The following ALDH5A1 variants were observed in gnomAD, a reference collection of about 807,000 sequenced individuals.
The protein encoded by ALDH5A1 is aldehyde dehydrogenase 5 family member A1.
A neutral mutation model predicts 54.7 loss-of-function variants in ALDH5A1; 33 were observed. The ratio of observed to expected loss-of-function variants is 0.60; its 90% confidence interval spans 0.46 to 0.81. The LOEUF (loss-of-function observed/expected upper bound fraction) is 0.81. ALDH5A1 is among the 30% of genes least tolerant of loss of function. The pLI is 0.00. For synonymous variants in ALDH5A1, 294 were observed against 292.7 expected (o/e 1.00, Z -0.05); for missense variants, 657 against 711.0 (o/e 0.92, Z 0.86).
chr6:24,503,351 G>T lies in ALDH5A1; in HGVS notation c.527G>T (p.Gly176Val). The change falls in exon 3 of 10, where the codon GGA (glycine) becomes GTA (valine). Residue 176 changes from glycine (G) to valine (V), a missense_variant. Around this residue, in one of 2 missense-constraint regions of ALDH5A1, gnomAD observed 425 missense variants for 516.4 expected, o/e 0.82. Transcript: ENST00000357578. ...WFSEEARRVY[G>V]DIIHTPAKDR... Reference sequence around the variant, plus strand: ...TCTGAGGAAGCCCGCCGTGTTTACGGAGACATTATCCACACCCCGGCAAAG... The same window carrying T: ...TCTGAGGAAGCCCGCCGTGTTTACGTAGACATTATCCACACCCCGGCAAAG... 6.2e-7 allele frequency: 1 copy of T among 1,614,066 alleles called. No homozygotes were observed.
At chr6:24,515,046 C>G in intron 4 of ALDH5A1, 121 bp from the exon 5 acceptor site, 1 of 1,031,782 alleles carries the variant, frequency 9.7e-7, no homozygotes. Context: ...TCCCCAGTGT[C>G]AGCTTAATTT....
chr6:24,525,072 G>A (rs1759774817), intron 7 of ALDH5A1, among the ~76,000 whole-genome samples: 1 of 152,122 alleles, frequency 6.6e-6, no homozygotes, highest in Admixed American at 6.6e-5. Context: ...GAAATTTGGT[G>A]GAAACCACCT....
chr6:24,501,949 A>G (rs9348638), intron 1 of ALDH5A1, among the ~76,000 whole-genome samples: 29,955 of 150,060 alleles, frequency 0.2, 3,332 homozygotes, highest in Non-Finnish European at 0.25. Flanking sequence ...GTATATATAT[A>G]TGTGTATGTG....
intron 4 of ALDH5A1, among the ~76,000 whole-genome samples, chr6:24,507,273 C>G (rs541735698): frequency 3.3e-5 from 5 of 151,974 alleles, no homozygotes; most frequent in East Asian, 1.9e-4. Context: ...CTGGGCCTAT[C>G]GTGCTTATAA....
chr6:24,499,446 A>G lies in ALDH5A1; in HGVS notation c.355-3077A>G, dbSNP rs542462455. 2.0e-5 allele frequency among the ~76,000 whole-genome samples: 3 copies of G among 146,900 alleles called. No homozygotes were observed. The South Asian group carries it at 6.6e-4, about 32-fold the overall frequency. On this transcript the variant is annotated intron_variant, in intron 1 of 9. Coordinates refer to ENST00000357578, the MANE Select transcript of ALDH5A1 (RefSeq NM_001080.3). ...TCATTTTCTTTTTTTAAGTGGTTTTATGTGAATGAATTAATTTTTTTTTTA... is the reference window on the plus strand; with the variant it reads ...TCATTTTCTTTTTTTAAGTGGTTTTGTGTGAATGAATTAATTTTTTTTTTA...
At chr6:24,529,789 A>G (rs1201144065) in intron 8 of ALDH5A1, among the ~76,000 whole-genome samples, 1 of 146,724 alleles carries the variant, frequency 6.8e-6, no homozygotes, top group African/African-American at 2.5e-5. Context: ...CTCCTGACTC[A>G]GCCTCCTGAG....
chr6:24,512,701 GTTTTT>G (rs1452835675), intron 4 of ALDH5A1, among the ~76,000 whole-genome samples: 1 of 151,900 alleles, frequency 6.6e-6, no homozygotes, highest in Non-Finnish European at 1.5e-5. Flanking sequence ...GTTTTGTTTT[GTTTTT>G]GAGACAGAGT....
chr6:24,522,643 G>A, intron 6 of ALDH5A1, 124 bp from the exon 7 acceptor site: 1 of 1,201,314 alleles, frequency 8.3e-7, no homozygotes, highest in Non-Finnish European at 1.2e-6. Flanking sequence ...GAAAATGGCA[G>A]TTTGAGCACA....
chr6:24,534,888 C>A lies in ALDH5A1; in HGVS notation c.*1176C>A, dbSNP rs1169395310. ...AAAAGGGAAAGAATTTCTGTAATTG[C>A]CAACCCACTTTGTAGAAGAGGCATG... is the stretch of plus-strand genomic sequence containing the variant. On this transcript the variant is annotated 3_prime_UTR_variant, in exon 10 of 10. Transcript: ENST00000357578. 10 of 152,226 alleles carry A rather than the reference C, an allele frequency of 6.6e-5. No individual in the cohort carries two copies. The allele number at this position is 152,226 out of a possible 1,614,324, so 9.4% of individuals were successfully genotyped here.
intron 1 of ALDH5A1, among the ~76,000 whole-genome samples, chr6:24,498,614 T>G (rs1380139064): frequency 6.6e-6 from 1 of 152,234 alleles, no homozygotes; most frequent in African/African-American, 2.4e-5. Context: ...ATTACAGTGA[T>G]GTCAGCTTCC....
rs1410523920 is a variant in ALDH5A1, at chr6:24,526,974, G to GTGTA, written c.1174-1022_1174-1021insGTAT. Among the ~76,000 whole-genome samples, 34 of 30,608 alleles carry GTGTA rather than the reference G, an allele frequency of 1.1e-3. 1 individual carries two copies. The highest frequency in any genetic ancestry group is 4.6e-3 in the South Asian group (6 of 1,304). The allele number at this position is 30,608 out of a possible 152,430, so 20.1% of individuals were successfully genotyped here. ...ATCTAATATATATATATGTGTGTGT[G>GTGTA]TATATATATATATATATATATATAT... On this transcript the variant is annotated intron_variant, in intron 7 of 9. Coordinates refer to ENST00000357578, the MANE Select transcript of ALDH5A1 (RefSeq NM_001080.3).
chr6:24,503,457 C>T, intron 3 of ALDH5A1, 24 bp downstream of exon 3: 1 of 1,608,744 alleles, frequency 6.2e-7, no homozygotes, highest in Non-Finnish European at 8.5e-7. Flanking sequence ...TCAGCAAGAT[C>T]CTAGGGTGGG....
At chr6:24,501,891 A>ATG (rs1324158879) in intron 1 of ALDH5A1, among the ~76,000 whole-genome samples, 1 of 117,074 alleles carries the variant, frequency 8.5e-6, no homozygotes, top group African/African-American at 3.2e-5. Context: ...ATATATATAT[A>ATG]TATATGTGTG....
At chr6:24,532,520 C>T (rs1262457522) in intron 9 of ALDH5A1, among the ~76,000 whole-genome samples, 2 of 152,112 alleles carry the variant, frequency 1.3e-5, no homozygotes, top group East Asian at 1.9e-4. Flanking sequence ...TTCCCTTTTG[C>T]GTGGCTCCTG....
intron 9 of ALDH5A1, 69 bp downstream of exon 9, chr6:24,532,246 T>C: frequency 6.7e-7 from 1 of 1,500,194 alleles, no homozygotes; most frequent in Non-Finnish European, 9.3e-7. Flanking sequence ...ATTTACCCTT[T>C]TAAACATCAC....
Position 24,498,919 on chromosome 6 carries a change from C to T in ALDH5A1, c.354+3569C>T, listed in dbSNP as rs536824774. ...TTCAAGTCCAGCCTGGCCAACATGGCGAAACCCCATCTCTACTAAAAAATA... is the reference window on the plus strand; with the variant it reads ...TTCAAGTCCAGCCTGGCCAACATGGTGAAACCCCATCTCTACTAAAAAATA... On this transcript the variant is annotated intron_variant, in intron 1 of 9. Coordinates refer to ENST00000357578, the MANE Select transcript of ALDH5A1 (RefSeq NM_001080.3). Among the ~76,000 whole-genome samples the T allele has an allele frequency of 5.9e-5, 9 of 151,948 alleles. No homozygotes were observed. The South Asian group carries it at 6.3e-4, about 11-fold the overall frequency.
Position 24,512,159 on chromosome 6 carries a change from C to T in ALDH5A1, c.727-3008C>T, listed in dbSNP as rs368565196. ...CTCCAGGCTGCTACTGAGGGTTGTC[C>T]GCACAGAGTCCTGTGATGTGAACCA... On this transcript the variant is annotated intron_variant, in intron 4 of 9. Transcript: ENST00000357578. Among the ~76,000 whole-genome samples the T allele has an allele frequency of 6.2e-4, 95 of 152,276 alleles. 1 individual carries two copies. The highest frequency in any genetic ancestry group is 2.2e-3 in the African/African-American group (90 of 41,552).
intron 7 of ALDH5A1, 121 bp downstream of exon 7, chr6:24,523,046 A>G (rs1759733537): frequency 1.1e-6 from 1 of 881,840 alleles, no homozygotes; most frequent in Non-Finnish European, 1.7e-6. Context: ...ACAGAATATT[A>G]CAGCTAGACA....
chr6:24,508,093 G>A (rs184681499), intron 4 of ALDH5A1, among the ~76,000 whole-genome samples: 9 of 152,030 alleles, frequency 5.9e-5, no homozygotes, highest in Admixed American at 1.3e-4. Context: ...GGCCAGGCGC[G>A]GTGGCTCACG....
Sources: allele counts gnomAD v4.1 joint callset (sites outside exome capture counted in the v4.1 genomes callset), GRCh38; gene constraint gnomAD v4.1.1; regional missense constraint gnomAD v4.1.1; transcripts MANE v1.5; gene names NCBI Gene and HGNC (gene_info 2026-07-23, HGNC 2026-07-21).